The following SPATA13 variants were observed in gnomAD, a reference collection of about 807,000 sequenced individuals.
SPATA13 encodes the protein spermatogenesis-associated protein 13.
Under a neutral mutation model 104.0 loss-of-function variants are expected in SPATA13, and 50 were observed. The observed-to-expected ratio is 0.48, with a 90% CI of 0.38 to 0.61. The LOEUF (loss-of-function observed/expected upper bound fraction) is 0.61. Among genes scored for constraint, SPATA13 ranks in the 20% least tolerant of loss-of-function variants. The pLI is 0.00. For missense variants in SPATA13, 1,524 were observed against 1,690.6 expected, an observed-to-expected ratio of 0.90 and a Z score of 1.73; for synonymous variants, 606 against 667.5, an observed-to-expected ratio of 0.91 and a Z score of 1.42.
chr13:24,171,439 T>C (rs1882962337), intron 1 of SPATA13, among the ~76,000 whole-genome samples: 1 of 152,250 alleles, frequency 6.6e-6, no homozygotes, highest in Non-Finnish European at 1.5e-5. Context: ...TATGGTTTCC[T>C]GTTGAATGAC....
At chr13:24,238,270 C>T (rs1872674499) in intron 2 of SPATA13, among the ~76,000 whole-genome samples, 1 of 151,266 alleles carries the variant, frequency 6.6e-6, no homozygotes, top group African/African-American at 2.4e-5. Flanking sequence ...GATTCTTGTG[C>T]CTCAGCCTCT....
chr13:24,192,757 G>C lies in SPATA13; in HGVS notation c.-111-30062G>C, dbSNP rs538054623. On this transcript the variant is annotated intron_variant, in intron 1 of 12. Transcript: ENST00000382108. ...GCAGAGAGAAGATTTGTTGTGGAAG[G>C]GGTGCCATGGAGACAGATCTTGAAG... 1.2e-3 allele frequency among the ~76,000 whole-genome samples: 190 copies of C among 152,252 alleles called. 10 individuals are homozygous for C. In the South Asian group the frequency reaches 0.039, roughly 31 times the overall value.
At chr13:24,209,192 A>G (rs1412290435) in intron 1 of SPATA13, among the ~76,000 whole-genome samples, 1 of 152,222 alleles carries the variant, frequency 6.6e-6, no homozygotes, top group Non-Finnish European at 1.5e-5. Context: ...TTCGACTTGA[A>G]CACAGATGTG....
chr13:23,997,810 T>C (rs977415782), intron 2 of SPATA13, among the ~76,000 whole-genome samples: 1 of 151,962 alleles, frequency 6.6e-6, no homozygotes, highest in African/African-American at 2.4e-5. Flanking sequence ...AGCTCACTCA[T>C]TACCATGAGA....
At chr13:24,126,202 A>T (rs2137829731) in intron 3 of SPATA13, among the ~76,000 whole-genome samples, 1 of 152,304 alleles carries the variant, frequency 6.6e-6, no homozygotes, top group Non-Finnish European at 1.5e-5. Context: ...GGATGAAGTC[A>T]TGGGGGCAGG....
At chr13:23,992,187 C>A (rs961697785) in intron 2 of SPATA13, among the ~76,000 whole-genome samples, 4 of 152,176 alleles carry the variant, frequency 2.6e-5, no homozygotes, top group African/African-American at 4.8e-5. Context: ...GCAGTCCAAC[C>A]ATGTGCTGTC....
chr13:24,010,058 G>C (rs961297223), intron 2 of SPATA13, among the ~76,000 whole-genome samples: 1 of 152,170 alleles, frequency 6.6e-6, no homozygotes, highest in African/African-American at 2.4e-5. Context: ...TCAAATACAT[G>C]TAAGATGTAC....
At position 24,031,667 on chromosome 13, in the gene SPATA13, A is replaced by G. The variant is rs187317239; in HGVS notation, c.-112+13966A>G. On this transcript the variant is annotated intron_variant, in intron 3 of 14. Coordinates refer to the SPATA13 transcript ENST00000424834. Reference sequence around the variant, plus strand: ...GCTTATGTCAGGCACTGTAGATGCAAAAATAGCTAAGACCTCATATGACCT... The same window carrying G: ...GCTTATGTCAGGCACTGTAGATGCAGAAATAGCTAAGACCTCATATGACCT... Among the ~76,000 whole-genome samples, 19 of 152,344 alleles carry G rather than the reference A, an allele frequency of 1.2e-4. 1 individual carries two copies. The East Asian group carries it at 3.5e-3, about 28-fold the overall frequency.
At chr13:24,077,828 A>T (rs1037548817) in intron 3 of SPATA13, among the ~76,000 whole-genome samples, 6 of 151,354 alleles carry the variant, frequency 4.0e-5, no homozygotes, top group Non-Finnish European at 8.8e-5. Flanking sequence ...ATGGCTTGAA[A>T]CCTCGGGAGG....
intron 10 of SPATA13, 142 bp from the exon 11 acceptor site, chr13:24,297,221 G>A: frequency 1.0e-6 from 1 of 960,494 alleles, no homozygotes; most frequent in East Asian, 2.7e-5. Flanking sequence ...AAAATTTTAT[G>A]TGGAGATGGG....
rs370321111 is a variant in SPATA13 at position 24,028,595 on chromosome 13, C to T, written c.-112+10894C>T. Among the ~76,000 whole-genome samples, 49 of 152,266 alleles carry T rather than the reference C, an allele frequency of 3.2e-4. 1 individual carries two copies. Among genetic ancestry groups the T allele is most frequent in the African/African-American group, 1.2e-3 (48 of 41,570 alleles). ...AGTGATGTGTCTAGGAGAGATCTGG[C>T]ATTATATTCTTTATGCTTCCTAATT... is the stretch of plus-strand genomic sequence containing the variant. On this transcript the variant is annotated intron_variant, in intron 3 of 14. Coordinates refer to the SPATA13 transcript ENST00000424834.
At chr13:24,112,856 T>A (rs998442498) in intron 3 of SPATA13, among the ~76,000 whole-genome samples, 5 of 152,228 alleles carry the variant, frequency 3.3e-5, no homozygotes, top group African/African-American at 1.2e-4. Flanking sequence ...TTCACTCTCT[T>A]ATTCTATTTC....
intron 4 of SPATA13, among the ~76,000 whole-genome samples, chr13:24,274,712 C>T (rs566289197): frequency 1.3e-5 from 2 of 152,336 alleles, no homozygotes; most frequent in South Asian, 2.1e-4. Context: ...CTGAGGAAGT[C>T]TGAGCCATCA....
At chr13:24,106,629 T>G (rs559759551) in intron 3 of SPATA13, among the ~76,000 whole-genome samples, 2 of 152,290 alleles carry the variant, frequency 1.3e-5, no homozygotes, top group South Asian at 4.1e-4. Flanking sequence ...GACAATTCGG[T>G]GATTGTTTGT....
At position 23,980,573 on chromosome 13, in the gene SPATA13, A is replaced by G. The variant is rs1444669380; in HGVS notation, c.-354+649A>G. Among the ~76,000 whole-genome samples the G allele has an allele frequency of 2.0e-5, 3 of 151,978 alleles. No individual in the cohort carries two copies. In the East Asian group the frequency reaches 5.8e-4, roughly 29 times the overall value. On this transcript the variant is annotated intron_variant, in intron 1 of 14. Coordinates refer to the SPATA13 transcript ENST00000424834. ...TATGGAAGACATGAACAAGAATAGTACTCCTACTTAACGAAGTTTTGTTTT... is the reference window on the plus strand; with the variant it reads ...TATGGAAGACATGAACAAGAATAGTGCTCCTACTTAACGAAGTTTTGTTTT...
chr13:24,157,091 A>G (rs1474375115), upstream of SPATA13, among the ~76,000 whole-genome samples: 1 of 152,022 alleles, frequency 6.6e-6, no homozygotes, highest in Admixed American at 6.6e-5. Context: ...CCCGGTCTAG[A>G]CCTTAAGTTA....
At chr13:24,207,344 C>A (rs1003415935) in intron 1 of SPATA13, among the ~76,000 whole-genome samples, 1 of 152,202 alleles carries the variant, frequency 6.6e-6, no homozygotes. Flanking sequence ...GGTAACAAAT[C>A]TGCACATCCC....
intron 2 of SPATA13, among the ~76,000 whole-genome samples, chr13:24,231,552 C>A (rs902999791): frequency 6.6e-6 from 1 of 152,198 alleles, no homozygotes; most frequent in African/African-American, 2.4e-5. Context: ...ATGAGTAATG[C>A]TGCTATGAAT....
At chr13:24,141,757 T>A (rs553451237) in intron 3 of SPATA13, among the ~76,000 whole-genome samples, 61 of 152,358 alleles carry the variant, frequency 4.0e-4, no homozygotes, top group African/African-American at 1.4e-3. Flanking sequence ...GAGCCTCCCG[T>A]GGCTAAGAAA....
Sources: gnomAD v4.1 joint callset for allele counts (sites outside exome capture counted in the v4.1 genomes callset) on GRCh38, gnomAD v4.1.1 for gene constraint, MANE v1.5 for transcripts, NCBI Gene and HGNC (gene_info 2026-07-23, HGNC 2026-07-21) for gene names.